RBFOX3: variants seen among roughly 807,000 people sequenced by gnomAD.
RBFOX3 encodes the protein RNA binding protein fox-1 homolog 3.
RBFOX3 carries 17 observed loss-of-function variants against 48.7 expected under a neutral mutation model. The observed-to-expected ratio is 0.35, with a 90% CI of 0.24 to 0.52. The LOEUF is 0.52. Among genes scored for constraint, RBFOX3 ranks in the 20% least tolerant of loss-of-function variants. RBFOX3 has a pLI of 0.94. For missense variants in RBFOX3, 382 were observed against 497.5 expected (o/e 0.77, Z 2.21); for synonymous variants, 212 against 209.5 (o/e 1.01, Z -0.10).
intron 1 of RBFOX3, among the ~76,000 whole-genome samples, chr17:79,484,695 C>A (rs1351360994): frequency 6.6e-6 from 1 of 152,098 alleles, no homozygotes; most frequent in East Asian, 1.9e-4. Flanking sequence ...GGAGAGAAAG[C>A]AGGCGGCAGG....
chr17:79,273,309 G>T (rs866798819), intron 3 of RBFOX3, among the ~76,000 whole-genome samples: 2 of 152,228 alleles, frequency 1.3e-5, no homozygotes, highest in South Asian at 4.1e-4. Context: ...TGGTTGTGGG[G>T]ACAGGGCTGA....
intron 3 of RBFOX3, among the ~76,000 whole-genome samples, chr17:79,273,468 C>T (rs995249647): frequency 1.3e-5 from 2 of 150,940 alleles, no homozygotes; most frequent in Admixed American, 1.3e-4. Context: ...GTGCAGAGGC[C>T]TTCACATAGT....
chr17:79,432,013 A>G (rs1054713111), intron 2 of RBFOX3, among the ~76,000 whole-genome samples: 41 of 152,176 alleles, frequency 2.7e-4, no homozygotes, highest in Admixed American at 2.7e-3. Context: ...TATGAATGTA[A>G]CCATTCTAGG....
intron 3 of RBFOX3, among the ~76,000 whole-genome samples, chr17:79,260,144 C>T (rs920497327): frequency 2.0e-5 from 3 of 152,004 alleles, no homozygotes; most frequent in Non-Finnish European, 2.9e-5. Flanking sequence ...CCCAGCCCAT[C>T]GGCCACCTGG....
At position 79,535,774 on chromosome 17, in the gene RBFOX3, A is replaced by G. The variant is rs1025689308; in HGVS notation, c.-319-53176T>C. Among the ~76,000 whole-genome samples, 32 of 152,150 alleles carry G rather than the reference A, an allele frequency of 2.1e-4. No individual in the cohort carries two copies. Among genetic ancestry groups the G allele is most frequent in the Non-Finnish European group, 1.5e-5 (1 of 68,024 alleles). The stretch of plus-strand genomic sequence containing the variant: ...CAGCACTGAGCCGTCTGCATTTGCT[A>G]GGGCCACCAGCTGCCACTTACTCCA... On this transcript the variant is annotated intron_variant, in intron 1 of 14. Coordinates refer to ENST00000693108, the MANE Select transcript of RBFOX3 (RefSeq NM_001350451.2). The surrounding 1 kb of genome is among the most constrained non-coding windows in gnomAD (Gnocchi z 4.5).
rs550275008 is a variant in RBFOX3 at position 79,392,677 on chromosome 17, C to CA, written c.-174-84854dup. Among the ~76,000 whole-genome samples, 728 of 152,298 alleles carry CA rather than the reference C, an allele frequency of 4.8e-3. 6 individuals carry two copies. Among genetic ancestry groups the CA allele is most frequent in the Non-Finnish European group, 4.0e-3 (270 of 68,026 alleles). ...CACACCCTCTCTTCCCGATATCTGG[C>CA]AAGCATCGGGCAGTGGCTCTATGAG... On this transcript the variant is annotated intron_variant, in intron 2 of 14. Coordinates refer to ENST00000693108, the MANE Select transcript of RBFOX3 (RefSeq NM_001350451.2). The surrounding 1 kb of genome is among the most constrained non-coding windows in gnomAD (Gnocchi z 5.0).
Position 79,090,850 on chromosome 17 carries a change from C to G in RBFOX3, c.*33G>C, listed in dbSNP as rs1452312573. ...TTTTTTTTGTTTTTTTGTTTTTGCC[C>G]TTCATGGTCCGAGAAGGAAACGGTG... is the stretch of plus-strand genomic sequence containing the variant. On this transcript the variant is annotated 3_prime_UTR_variant, in exon 15 of 15. Coordinates refer to ENST00000693108, the MANE Select transcript of RBFOX3 (RefSeq NM_001350451.2). 7 of 1,511,584 alleles carry G rather than the reference C, an allele frequency of 4.6e-6. No individual in the cohort carries two copies. Among genetic ancestry groups the G allele is most frequent in the Non-Finnish European group, 6.2e-6 (7 of 1,132,708 alleles). The allele number at this position is 1,511,584 out of a possible 1,614,324, so 93.6% of individuals were successfully genotyped here.
chr17:79,645,259 T>C, the RBFOX3 span, among the ~76,000 whole-genome samples: 1 of 152,120 alleles, frequency 6.6e-6, no homozygotes, highest in Non-Finnish European at 1.5e-5. Flanking sequence ...CCCCAAAACC[T>C]TGCGTGCAAT....
rs1432353278 is a variant in RBFOX3 at position 79,473,956 on chromosome 17, C to A, written c.-175+8498G>T. The stretch of plus-strand genomic sequence containing the variant: ...CTTTTCTGTTCTTTCCCCCACAGAA[C>A]ACAGATGTCTTTGAAAGCACCAATC... On this transcript the variant is annotated intron_variant, in intron 2 of 14. Coordinates refer to ENST00000693108, the MANE Select transcript of RBFOX3 (RefSeq NM_001350451.2). The surrounding 1 kb of genome is among the most constrained non-coding windows in gnomAD (Gnocchi z 4.2). 6.6e-6 allele frequency among the ~76,000 whole-genome samples: 1 copy of A among 152,176 alleles called. No homozygotes were observed. Among genetic ancestry groups the A allele is most frequent in the African/African-American group, 2.4e-5 (1 of 41,436 alleles).
chr17:79,266,864 G>GT (rs2066795522), intron 3 of RBFOX3, among the ~76,000 whole-genome samples: 1 of 152,112 alleles, frequency 6.6e-6, no homozygotes, highest in South Asian at 2.1e-4. Context: ...GAGTGATGGG[G>GT]TGAGGGCATA....
At chr17:79,445,829 T>C (rs538507945) in intron 2 of RBFOX3, among the ~76,000 whole-genome samples, 4 of 152,172 alleles carry the variant, frequency 2.6e-5, no homozygotes, top group South Asian at 4.1e-4. Context: ...CACTTGGCCT[T>C]GGGAAGGTTT....
chr17:79,552,288 G>T (rs1355281141), intron 1 of RBFOX3, among the ~76,000 whole-genome samples: 2 of 152,142 alleles, frequency 1.3e-5, no homozygotes, highest in African/African-American at 2.4e-5. Context: ...AATGCAGGGA[G>T]CTTCTGAGCT....
chr17:79,318,804 G>A lies in RBFOX3; in HGVS notation c.-174-10980C>T, dbSNP rs1430058626. ...CGGGAGGCAAAGTTTGCAGTGAGCC[G>A]AGATTGCGCCACTGCACTCCAGCCT... is the stretch of plus-strand genomic sequence containing the variant. On this transcript the variant is annotated intron_variant, in intron 2 of 14. Transcript: ENST00000693108. 3.0e-5 allele frequency among the ~76,000 whole-genome samples: 4 copies of A among 133,338 alleles called. 1 individual carries two copies. Among genetic ancestry groups the A allele is most frequent in the Middle Eastern group, 4.5e-3 (1 of 224 alleles). 87.5% of individuals were successfully genotyped at this position (133,338 alleles called of 152,430 possible).
rs370390366 is a variant in RBFOX3, at chr17:79,349,962, G to A, written c.-174-42138C>T. The stretch of plus-strand genomic sequence containing the variant: ...CACAGTTGGGTGCCCTCTGCTCCAG[G>A]AGGAGAGGCTCCAGAAAATCACAGT... On this transcript the variant is annotated intron_variant, in intron 2 of 14. Transcript: ENST00000693108. Among the ~76,000 whole-genome samples the A allele has an allele frequency of 2.0e-3, 309 of 152,270 alleles. 1 individual carries two copies. Among genetic ancestry groups the A allele is most frequent in the African/African-American group, 7.0e-3 (292 of 41,560 alleles).
At chr17:79,427,360 C>G (rs574394967) in intron 2 of RBFOX3, among the ~76,000 whole-genome samples, 2 of 152,324 alleles carry the variant, frequency 1.3e-5, no homozygotes, top group South Asian at 4.1e-4. Context: ...TAGAAAGGTC[C>G]CTACACAGTT....
intron 1 of RBFOX3, among the ~76,000 whole-genome samples, chr17:79,591,204 C>T (rs1375508356): frequency 1.3e-5 from 2 of 152,254 alleles, no homozygotes; most frequent in Non-Finnish European, 2.9e-5. Flanking sequence ...CACGTGGTCC[C>T]GGGGGTCGGC....
At position 79,123,857 on chromosome 17, in the gene RBFOX3, GCT is replaced by G. The variant is rs2036442205; in HGVS notation, c.-33-8111_-33-8110del. Among the ~76,000 whole-genome samples, 4 of 152,228 alleles carry G rather than the reference GCT, an allele frequency of 2.6e-5. No homozygotes were observed. In the South Asian group the frequency reaches 8.3e-4, roughly 32 times the overall value. ...GGAAACCCGGCTGTGCTGCAGGCCT[GCT>G]CTGTGTCCACTGCCTCGCGGCCATC... On this transcript the variant is annotated intron_variant, in intron 4 of 14. Transcript: ENST00000693108.
rs1441543504 is a variant in RBFOX3, at chr17:79,473,015, C to CA, written c.-175+9438dup. Among the ~76,000 whole-genome samples, 1 of 152,094 alleles carries CA rather than the reference C, an allele frequency of 6.6e-6. No homozygotes were observed. The highest frequency in any genetic ancestry group is 2.4e-5 in the African/African-American group (1 of 41,394). On this transcript the variant is annotated intron_variant, in intron 2 of 14. Transcript: ENST00000693108. The surrounding 1 kb of genome is among the most constrained non-coding windows in gnomAD (Gnocchi z 4.2). Reference sequence around the variant, plus strand: ...TCAGCCTCCTGAGTAGTTGAAGTGACAAGCCCTTACTTTTGGTTTTTAGAA... The same window carrying CA: ...TCAGCCTCCTGAGTAGTTGAAGTGACAAAGCCCTTACTTTTGGTTTTTAGAA...
chr17:79,575,118 C>A (rs2092815284), intron 1 of RBFOX3, among the ~76,000 whole-genome samples: 1 of 152,176 alleles, frequency 6.6e-6, no homozygotes, highest in African/African-American at 2.4e-5. Flanking sequence ...GGCTGTGAAG[C>A]CCCCCAGGCG....
Sources: gnomAD v4.1 joint callset for allele counts (sites outside exome capture counted in the v4.1 genomes callset) on GRCh38, gnomAD v4.1.1 for gene constraint, Gnocchi (gnomAD v3.1) non-coding constraint, MANE v1.5 for transcripts, NCBI Gene and HGNC (gene_info 2026-07-23, HGNC 2026-07-21) for gene names.